Variants in SENP7 observed in about 807,000 individuals in gnomAD.
SENP7 encodes the protein SUMO specific peptidase 7.
In SENP7, 64 loss-of-function variants were observed where a neutral mutation model predicts 141.2. That is an observed-to-expected ratio of 0.45 (90% confidence interval 0.37 to 0.56). The LOEUF (loss-of-function observed/expected upper bound fraction) is 0.56. Ranked by LOEUF, SENP7 falls within the 20% of genes least tolerant of loss-of-function variation. The probability of loss-of-function intolerance (pLI) is 0.00; values close to 1 mark genes in which losing one functional copy is unlikely to be tolerated. For synonymous variants in SENP7, 382 were observed against 426.4 expected (o/e 0.90, Z 1.28); for missense variants, 1,025 against 1,212.2 (o/e 0.85, Z 2.29).
intron 4 of SENP7, among the ~76,000 whole-genome samples, chr3:101,420,590 G>A (rs1215954904): frequency 2.0e-5 from 3 of 152,148 alleles, no homozygotes; most frequent in Admixed American, 2.0e-4. Flanking sequence ...AAGAAGAAAA[G>A]GTGTCTTTAC....
chr3:101,331,250 T>A (rs754030486), intron 19 of SENP7, among the ~76,000 whole-genome samples: 1 of 152,006 alleles, frequency 6.6e-6, no homozygotes, highest in Non-Finnish European at 1.5e-5. Context: ...GAGCCTGCGG[T>A]GTGAGGACTG....
Position 101,372,320 on chromosome 3 carries a change from C to T in SENP7, c.678-194G>A, listed in dbSNP as rs2060204368. On this transcript the variant is annotated intron_variant, in intron 6 of 23. Coordinates refer to ENST00000394095, the MANE Select transcript of SENP7 (RefSeq NM_020654.5). ...ATCCTCCCTTTTCTACCTTTAAATT[C>T]CCCATGTGTGTTTAGGGGGAAAAAA... Among the ~76,000 whole-genome samples the T allele has an allele frequency of 2.6e-5, 4 of 151,940 alleles. No homozygotes were observed. In the South Asian group the frequency reaches 8.3e-4, roughly 32 times the overall value.
chr3:101,468,411 T>C (rs2107948786), intron 3 of SENP7, among the ~76,000 whole-genome samples: 1 of 152,264 alleles, frequency 6.6e-6, no homozygotes, highest in East Asian at 1.9e-4. Flanking sequence ...AATTGTCAGA[T>C]TCACCAAGGC....
chr3:101,438,832 GA>G (rs1315057548), intron 4 of SENP7, among the ~76,000 whole-genome samples: 2 of 152,024 alleles, frequency 1.3e-5, no homozygotes, highest in Non-Finnish European at 2.9e-5. Context: ...CCGCGCCGGC[GA>G]GCGCCGCCCG....
At chr3:101,448,650 C>A (rs990950652) in intron 4 of SENP7, among the ~76,000 whole-genome samples, 8 of 152,266 alleles carry the variant, frequency 5.3e-5, no homozygotes, top group African/African-American at 1.9e-4. Flanking sequence ...ACTCAGCAGA[C>A]CTGCAGCTGA....
At chr3:101,397,772 G>A (rs2061011696) in intron 6 of SENP7, among the ~76,000 whole-genome samples, 1 of 151,984 alleles carries the variant, frequency 6.6e-6, no homozygotes, top group African/African-American at 2.4e-5. Flanking sequence ...AGTTTGGGGG[G>A]AAAAAAATTA....
chr3:101,416,041 G>GT (rs111652003), intron 5 of SENP7, among the ~76,000 whole-genome samples: 2,088 of 152,256 alleles, frequency 0.014, 49 homozygotes, highest in African/African-American at 0.048. Flanking sequence ...TTTGTAAGTA[G>GT]TGTCAATCAC....
At chr3:101,471,631 CA>C (rs1436588691) in intron 3 of SENP7, among the ~76,000 whole-genome samples, 1 of 152,154 alleles carries the variant, frequency 6.6e-6, no homozygotes, top group Non-Finnish European at 1.5e-5. Context: ...GCAATGGCAA[CA>C]AAAGCCAAAA....
At chr3:101,406,043 A>G (rs968629364) in intron 5 of SENP7, among the ~76,000 whole-genome samples, 2 of 152,212 alleles carry the variant, frequency 1.3e-5, no homozygotes, top group African/African-American at 4.8e-5. Context: ...TCAAGGATCT[A>G]GAACTAGAAA....
intron 3 of SENP7, among the ~76,000 whole-genome samples, chr3:101,492,307 T>C (rs2064999196): frequency 6.7e-6 from 1 of 149,746 alleles, no homozygotes; most frequent in South Asian, 2.1e-4. Context: ...CCCAGGAAGC[T>C]GAGGCTGCAA....
Position 101,328,709 on chromosome 3 carries a change from TA to T in SENP7, c.2752-21del, listed in dbSNP as rs2058969001. The T allele has an allele frequency of 6.3e-7, 1 of 1,579,314 alleles. No homozygotes were observed. The highest frequency in any genetic ancestry group is 1.3e-5 in the African/African-American group (1 of 74,120). On this transcript the variant is annotated intron_variant, in intron 20 of 23. Coordinates refer to ENST00000394095, the MANE Select transcript of SENP7 (RefSeq NM_020654.5). ...GGTACTCTGAAATAACATAAATTTT[TA>T]TGACTGCAATTAAAGCTATTTTGAA...
At chr3:101,332,660 T>C in intron 18 of SENP7, 110 bp downstream of exon 18, 1 of 579,416 alleles carries the variant, frequency 1.7e-6, no homozygotes, top group Admixed American at 3.9e-5. Flanking sequence ...ATTAAAATAA[T>C]ACCTGAGATG....
chr3:101,427,332 T>C (rs1211327566), intron 4 of SENP7, among the ~76,000 whole-genome samples: 1 of 151,282 alleles, frequency 6.6e-6, no homozygotes, highest in African/African-American at 2.4e-5. Flanking sequence ...TTACTGAAAA[T>C]ACAAAAAACT....
At chr3:101,345,943 T>C (rs2059443313) in intron 13 of SENP7, among the ~76,000 whole-genome samples, 1 of 152,130 alleles carries the variant, frequency 6.6e-6, no homozygotes, top group African/African-American at 2.4e-5. Context: ...TAAAGAGCTT[T>C]TGCATGGCAA....
At chr3:101,430,392 A>G (rs1219129958) in intron 4 of SENP7, among the ~76,000 whole-genome samples, 2 of 152,128 alleles carry the variant, frequency 1.3e-5, no homozygotes, top group African/African-American at 4.8e-5. Flanking sequence ...TCAGAGATTC[A>G]ATTTCTTCCT....
At chr3:101,410,796 G>C (rs953682767) in intron 5 of SENP7, among the ~76,000 whole-genome samples, 1 of 149,344 alleles carries the variant, frequency 6.7e-6, no homozygotes, top group Non-Finnish European at 1.5e-5. Context: ...AGTGAGCAGA[G>C]ACTGCGCCAC....
chr3:101,345,524 A>G (rs2059434066), intron 13 of SENP7, among the ~76,000 whole-genome samples: 1 of 152,074 alleles, frequency 6.6e-6, no homozygotes, highest in Non-Finnish European at 1.5e-5. Context: ...TGAGTTCTTG[A>G]TTTGATTCTC....
intron 9 of SENP7, 130 bp downstream of exon 9, chr3:101,366,300 A>C: frequency 3.6e-6 from 2 of 551,954 alleles, no homozygotes; most frequent in Non-Finnish European, 6.0e-6. Context: ...CTTTTTTCCT[A>C]AAGTTAATAT....
At chr3:101,501,870 G>A (rs931137054) in intron 1 of SENP7, among the ~76,000 whole-genome samples, 6 of 152,130 alleles carry the variant, frequency 3.9e-5, no homozygotes, top group South Asian at 2.1e-4. Context: ...ACAAATGCAC[G>A]ACTGCAATTC....
Sources: gnomAD v4.1 joint callset for allele counts (sites outside exome capture counted in the v4.1 genomes callset) on GRCh38, gnomAD v4.1.1 for gene constraint, MANE v1.5 for transcripts, NCBI Gene and HGNC (gene_info 2026-07-23, HGNC 2026-07-21) for gene names.